Variants in STPG2 observed in about 807,000 individuals in gnomAD.
The protein encoded by STPG2 is sperm tail PG-rich repeat containing 2, also known as sperm-tail PG-rich repeat-containing protein 2.
Under a neutral mutation model 54.2 loss-of-function variants are expected in STPG2, and 56 were observed. The observed-to-expected ratio is 1.03, with a 90% CI of 0.83 to 1.29. STPG2 has a LOEUF of 1.29. STPG2 is among the 50% of genes most tolerant of loss of function. STPG2 has a pLI of 0.00. For synonymous variants in STPG2, 200 were observed against 181.8 expected, an observed-to-expected ratio of 1.10 and a Z score of -0.81; for missense variants, 596 against 544.9, an observed-to-expected ratio of 1.09 and a Z score of -0.93.
At chr4:97,953,350 T>C (rs1733545332) in intron 7 of STPG2, among the ~76,000 whole-genome samples, 2 of 152,136 alleles carry the variant, frequency 1.3e-5, no homozygotes, top group Non-Finnish European at 2.9e-5. Context: ...GCTGTCTAAG[T>C]TCTAGGCACT....
chr4:98,090,528 T>C (rs546739024), intron 5 of STPG2, among the ~76,000 whole-genome samples: 37 of 152,264 alleles, frequency 2.4e-4, no homozygotes, highest in Non-Finnish European at 4.6e-4. Flanking sequence ...AGTATTGCTT[T>C]GGCTATGCAG....
intron 8 of STPG2, among the ~76,000 whole-genome samples, chr4:97,885,704 G>T (rs112482200): frequency 1.3e-5 from 2 of 151,994 alleles, no homozygotes; most frequent in African/African-American, 4.8e-5. Flanking sequence ...AAATACAATG[G>T]GCCAGCATTT....
intron 5 of STPG2, among the ~76,000 whole-genome samples, chr4:98,012,710 C>G (rs1374043806): frequency 6.6e-6 from 1 of 152,118 alleles, no homozygotes. Context: ...CTCTTTGTAG[C>G]AATTGTGAAT....
At chr4:98,005,853 G>C (rs896355806) in intron 5 of STPG2, among the ~76,000 whole-genome samples, 2 of 152,044 alleles carry the variant, frequency 1.3e-5, no homozygotes, top group African/African-American at 4.8e-5. Context: ...TCCTTGTCTG[G>C]CTTTGCTATC....
chr4:97,501,251 G>A (rs1400431182), intron 4 of STPG2, among the ~76,000 whole-genome samples: 1 of 152,042 alleles, frequency 6.6e-6, no homozygotes, highest in Non-Finnish European at 1.5e-5. Context: ...AATGTGTCTA[G>A]GATAATTCAG....
chr4:97,912,956 C>T (rs911680434), intron 8 of STPG2, among the ~76,000 whole-genome samples: 5 of 152,116 alleles, frequency 3.3e-5, no homozygotes, highest in Non-Finnish European at 5.9e-5. Flanking sequence ...GAAAGAGATA[C>T]CTTTATGATA....
At chr4:97,832,001 C>A (rs1728484135) in intron 9 of STPG2, among the ~76,000 whole-genome samples, 3 of 152,138 alleles carry the variant, frequency 2.0e-5, no homozygotes. Flanking sequence ...AAGAAGGAAT[C>A]CTCCCTAACT....
chr4:97,564,205 T>G (rs1732352707), intron 10 of STPG2, among the ~76,000 whole-genome samples: 1 of 152,180 alleles, frequency 6.6e-6, no homozygotes, highest in Non-Finnish European at 1.5e-5. Context: ...CTTTGTCTCT[T>G]TTGATCTTTG....
intron 9 of STPG2, among the ~76,000 whole-genome samples, chr4:97,727,465 A>G (rs966665471): frequency 7.2e-5 from 11 of 152,084 alleles, no homozygotes; most frequent in Admixed American, 5.9e-4. Context: ...TATCAGCCAT[A>G]CACAAAAAAC....
chr4:97,484,224 G>A (rs1730297241), intron 4 of STPG2, among the ~76,000 whole-genome samples: 1 of 151,288 alleles, frequency 6.6e-6, no homozygotes, highest in Non-Finnish European at 1.5e-5. Flanking sequence ...GAAAATCAGA[G>A]CAGAAATAAA....
At chr4:97,524,782 T>C (rs972429225) in intron 4 of STPG2, among the ~76,000 whole-genome samples, 14 of 152,008 alleles carry the variant, frequency 9.2e-5, no homozygotes, top group Non-Finnish European at 1.8e-4. Flanking sequence ...ATAACTGGTC[T>C]TCTGAGCAAA....
At chr4:97,464,095 G>A (rs1328576244) in intron 4 of STPG2, among the ~76,000 whole-genome samples, 1 of 152,050 alleles carries the variant, frequency 6.6e-6, no homozygotes, top group African/African-American at 2.4e-5. Context: ...GTTTTTATAT[G>A]GACATGAGTT....
At chr4:97,697,221 C>A (rs1424413764) in intron 10 of STPG2, among the ~76,000 whole-genome samples, 1 of 152,014 alleles carries the variant, frequency 6.6e-6, no homozygotes, top group Non-Finnish European at 1.5e-5. Flanking sequence ...ACTGTGGGAG[C>A]TAAATATAAG....
chr4:97,876,886 G>A (rs1730191377), intron 8 of STPG2, among the ~76,000 whole-genome samples: 2 of 152,122 alleles, frequency 1.3e-5, no homozygotes, highest in Non-Finnish European at 1.5e-5. Flanking sequence ...TTTGGACCAT[G>A]TCATAGCAGA....
At chr4:97,775,191 T>C (rs913466560) in intron 9 of STPG2, among the ~76,000 whole-genome samples, 3 of 152,072 alleles carry the variant, frequency 2.0e-5, no homozygotes, top group African/African-American at 7.2e-5. Flanking sequence ...TAAAAAGAGA[T>C]GAAGGAAAGT....
intron 10 of STPG2, among the ~76,000 whole-genome samples, chr4:97,595,637 T>C (rs1445249939): frequency 6.6e-6 from 1 of 151,158 alleles, no homozygotes; most frequent in Non-Finnish European, 1.5e-5. Context: ...AAAGAAAAAT[T>C]CCAACCAAGA....
chr4:98,070,654 C>G (rs1203312913), intron 5 of STPG2, among the ~76,000 whole-genome samples: 2 of 152,088 alleles, frequency 1.3e-5, no homozygotes, highest in Non-Finnish European at 2.9e-5. Flanking sequence ...TGATAAGCAA[C>G]TTCAACAAAG....
Position 98,073,009 on chromosome 4 carries a change from T to C in STPG2, c.612+32944A>G, listed in dbSNP as rs182284133. 8.5e-5 allele frequency among the ~76,000 whole-genome samples: 13 copies of C among 152,298 alleles called. No individual in the cohort carries two copies. The East Asian group carries it at 2.3e-3, about 27-fold the overall frequency. On this transcript the variant is annotated intron_variant, in intron 5 of 10. Transcript: ENST00000295268. ...TGTTGTGAAGAATGAATGCTATATA[T>C]GAGACGCAGGTGGTTAAAATGCCTG...
At chr4:97,659,263 T>C (rs1722304262) in intron 10 of STPG2, among the ~76,000 whole-genome samples, 1 of 152,118 alleles carries the variant, frequency 6.6e-6, no homozygotes, top group South Asian at 2.1e-4. Flanking sequence ...TTTATATATG[T>C]AAAAAAACAA....
Sources: gnomAD v4.1 joint callset for allele counts (sites outside exome capture counted in the v4.1 genomes callset) on GRCh38, gnomAD v4.1.1 for gene constraint, MANE v1.5 for transcripts, NCBI Gene and HGNC (gene_info 2026-07-23, HGNC 2026-07-21) for gene names.